Variants in SGCD observed in about 807,000 individuals in gnomAD.
SGCD encodes the protein sarcoglycan delta, also known as delta-sarcoglycan.
A neutral mutation model predicts 36.6 loss-of-function variants in SGCD; 18 were observed. The observed-to-expected ratio is 0.49, with a 90% CI of 0.34 to 0.73. The LOEUF (loss-of-function observed/expected upper bound fraction) is 0.73, where lower values mean the gene tolerates loss of function less well. Among genes scored for constraint, SGCD ranks in the 30% least tolerant of loss-of-function variants. SGCD has a pLI of 0.01. For synonymous variants in SGCD, 133 were observed against 130.6 expected, an observed-to-expected ratio of 1.02 and a Z score of -0.12; for missense variants, 387 against 346.7, an observed-to-expected ratio of 1.12 and a Z score of -0.92.
At chr5:156,360,844 G>C (rs1463183392) in intron 3 of SGCD, among the ~76,000 whole-genome samples, 1 of 151,976 alleles carries the variant, frequency 6.6e-6, no homozygotes, top group Admixed American at 6.5e-5. Flanking sequence ...CCATCCTTCA[G>C]TTGTCTGCAT....
intron 6 of SGCD, among the ~76,000 whole-genome samples, chr5:156,627,222 T>G (rs910722536): frequency 3.9e-5 from 6 of 152,088 alleles, no homozygotes; most frequent in Non-Finnish European, 7.4e-5. Context: ...GTCATGAAAA[T>G]GTGGAAGGGG....
At chr5:156,217,539 G>C (rs932734694) in intron 3 of SGCD, among the ~76,000 whole-genome samples, 1 of 152,084 alleles carries the variant, frequency 6.6e-6, no homozygotes, top group African/African-American at 2.4e-5. Flanking sequence ...ACAGAATTTA[G>C]TGTCTCCCTA....
rs1419851820 is a variant in SGCD, at chr5:156,344,616, T to G, written c.131T>G (p.Ile44Ser). 2.5e-6 allele frequency: 4 copies of G among 1,612,126 alleles called. No homozygotes were observed. The highest frequency in any genetic ancestry group is 8.5e-7 in the Non-Finnish European group (1 of 1,179,090). The stretch of plus-strand genomic sequence containing the variant: ...TATTTCTTTGTCCTGCTCCTCATGA[T>G]TTTAATACTGGTGAACTTGGCCATG... ...CLYFFVLLLMILILVNLAMTI... is the reference protein window; with the variant it reads ...CLYFFVLLLMSLILVNLAMTI... The change falls in exon 3 of 9, where the codon ATT becomes AGT. Residue 44 changes from isoleucine (I) to serine (S), a missense_variant. Ile to Ser is a moderately radical substitution (Grantham distance 142, BLOSUM62 -2). Transcript: ENST00000337851.
rs888631814 is a variant in SGCD, at chr5:156,694,474, A to G, written c.575+46938A>G. Reference sequence around the variant, plus strand: ...TTTACAATTTTTAATTTTTTTTTCTAAATATTGTTTGCTTTTCACACTAAC... The same window carrying G: ...TTTACAATTTTTAATTTTTTTTTCTGAATATTGTTTGCTTTTCACACTAAC... On this transcript the variant is annotated intron_variant, in intron 7 of 8. Transcript: ENST00000337851. Among the ~76,000 whole-genome samples, 8 of 152,238 alleles carry G rather than the reference A, an allele frequency of 5.3e-5. No individual in the cohort carries two copies. The East Asian group carries it at 1.5e-3, about 29-fold the overall frequency.
intron 1 of SGCD, among the ~76,000 whole-genome samples, chr5:156,070,725 C>CCT (rs1315910947): frequency 1.3e-5 from 2 of 152,002 alleles, no homozygotes; most frequent in African/African-American, 4.8e-5. Context: ...CCTCCTTGTA[C>CCT]CTCTGGTAGA....
chr5:156,716,027 G>A (rs1371931072), intron 7 of SGCD, among the ~76,000 whole-genome samples: 3 of 152,140 alleles, frequency 2.0e-5, no homozygotes, highest in African/African-American at 7.2e-5. Context: ...AAAAGAACGT[G>A]TATTGCCGAA....
intron 3 of SGCD, among the ~76,000 whole-genome samples, chr5:156,234,506 A>G (rs1765106378): frequency 6.6e-6 from 1 of 152,218 alleles, no homozygotes; most frequent in African/African-American, 2.4e-5. Flanking sequence ...CACAGTTTAA[A>G]AAAAACAATA....
At chr5:156,746,504 A>G (rs533295563) in intron 7 of SGCD, among the ~76,000 whole-genome samples, 1 of 152,348 alleles carries the variant, frequency 6.6e-6, no homozygotes, top group South Asian at 2.1e-4. Flanking sequence ...ATACAGAACT[A>G]AGAGAATTAA....
chr5:156,516,325 A>G (rs1449425417), intron 4 of SGCD, among the ~76,000 whole-genome samples: 1 of 152,216 alleles, frequency 6.6e-6, no homozygotes, highest in Non-Finnish European at 1.5e-5. Flanking sequence ...TCCCAGAGGA[A>G]GGAGCAGACA....
At chr5:156,231,571 A>T (rs1765019370) in intron 3 of SGCD, among the ~76,000 whole-genome samples, 1 of 152,144 alleles carries the variant, frequency 6.6e-6, no homozygotes, top group Non-Finnish European at 1.5e-5. Flanking sequence ...AATAAATAAA[A>T]AGGTGAACAG....
At chr5:155,912,709 TTCATTTTAG>T (rs1310879131) in intron 1 of SGCD, among the ~76,000 whole-genome samples, 4 of 152,186 alleles carry the variant, frequency 2.6e-5, no homozygotes, top group Non-Finnish European at 5.9e-5. Context: ...TGATAGCCAA[TTCATTTTAG>T]TCTTGGCTGG....
At chr5:156,245,822 A>G (rs1323832669) in intron 3 of SGCD, among the ~76,000 whole-genome samples, 1 of 152,170 alleles carries the variant, frequency 6.6e-6, no homozygotes, top group Admixed American at 6.5e-5. Flanking sequence ...TCTCAGCAAT[A>G]TATTAGTGTA....
intron 7 of SGCD, among the ~76,000 whole-genome samples, chr5:156,649,614 A>G (rs1763376486): frequency 6.6e-6 from 1 of 151,944 alleles, no homozygotes; most frequent in Non-Finnish European, 1.5e-5. Flanking sequence ...CACAAGGTCA[A>G]AAAACCAAAC....
At chr5:156,649,414 A>G (rs1561837203) in intron 7 of SGCD, among the ~76,000 whole-genome samples, 2 of 152,184 alleles carry the variant, frequency 1.3e-5, no homozygotes, top group Non-Finnish European at 2.9e-5. Flanking sequence ...ATGCACACAT[A>G]TATTTATTGC....
rs753880675 is a variant in SGCD, at chr5:156,434,325, A to G, written c.193-74276A>G. ...ATACACTTTTCTGAACAGAGTTTAG[A>G]TGGGAGGGATGGCTCCCCGCACAAG... is the stretch of plus-strand genomic sequence containing the variant. On this transcript the variant is annotated intron_variant, in intron 3 of 8. Coordinates refer to ENST00000337851, the MANE Select transcript of SGCD (RefSeq NM_000337.6). 1.4e-4 allele frequency among the ~76,000 whole-genome samples: 21 copies of G among 152,202 alleles called. 1 individual carries two copies. The highest frequency in any genetic ancestry group is 2.4e-5 in the African/African-American group (1 of 41,454).
chr5:156,498,180 G>T (rs1756280768), intron 3 of SGCD, among the ~76,000 whole-genome samples: 1 of 148,778 alleles, frequency 6.7e-6, no homozygotes, highest in Admixed American at 6.8e-5. Flanking sequence ...TCTCTTTATG[G>T]ATTCAGGGAA....
intron 3 of SGCD, among the ~76,000 whole-genome samples, chr5:156,185,367 A>G (rs1409834955): frequency 1.3e-5 from 2 of 151,604 alleles, no homozygotes; most frequent in South Asian, 2.1e-4. Flanking sequence ...GGCGCCCGCC[A>G]CCATGCCCGG....
chr5:155,742,438 C>G, the SGCD span, among the ~76,000 whole-genome samples: 2 of 152,162 alleles, frequency 1.3e-5, no homozygotes, highest in African/African-American at 2.4e-5. Context: ...GCAGTAAATA[C>G]TTACCCAGGG....
intron 4 of SGCD, among the ~76,000 whole-genome samples, chr5:156,561,128 A>G (rs1759250618): frequency 1.3e-5 from 2 of 152,188 alleles, no homozygotes; most frequent in South Asian, 2.1e-4. Context: ...GTACCTTTCT[A>G]TAATTCCCAC....
Sources: allele counts gnomAD v4.1 joint callset (sites outside exome capture counted in the v4.1 genomes callset), GRCh38; gene constraint gnomAD v4.1.1; transcripts MANE v1.5; gene names NCBI Gene and HGNC (gene_info 2026-07-23, HGNC 2026-07-21).